The following TGS1 variants were observed in gnomAD, a reference collection of about 807,000 sequenced individuals.
TGS1 encodes the protein trimethylguanosine synthase.
Under a neutral mutation model 92.2 loss-of-function variants are expected in TGS1, and 69 were observed. That is an observed-to-expected ratio of 0.75 (90% confidence interval 0.62 to 0.91). The LOEUF is 0.91. TGS1 is among the 40% of genes least tolerant of loss of function. The pLI, the probability that TGS1 is intolerant of heterozygous loss-of-function variation, is 0.00. For missense variants in TGS1, 1,062 were observed against 1,001.2 expected, an observed-to-expected ratio of 1.06 and a Z score of -0.82; for synonymous variants, 345 against 338.1, an observed-to-expected ratio of 1.02 and a Z score of -0.22.
At chr8:55,798,305 A>G (rs759551537) in intron 7 of TGS1, among the ~76,000 whole-genome samples, 2 of 152,256 alleles carry the variant, frequency 1.3e-5, no homozygotes, top group Non-Finnish European at 2.9e-5. Flanking sequence ...GCAAAGAAGT[A>G]TATGATCTGA....
chr8:55,800,181 G>A (rs752531633), intron 8 of TGS1, among the ~76,000 whole-genome samples: 1 of 151,900 alleles, frequency 6.6e-6, no homozygotes, highest in African/African-American at 2.4e-5. Flanking sequence ...GGGTGTATGT[G>A]TATGTGTGAT....
intron 7 of TGS1, among the ~76,000 whole-genome samples, chr8:55,797,913 C>G (rs1317154450): frequency 6.6e-6 from 1 of 152,118 alleles, no homozygotes; most frequent in Non-Finnish European, 1.5e-5. Flanking sequence ...ATATATATAG[C>G]TGGTTTTATT....
chr8:55,791,935 T>G (rs1811895900), intron 5 of TGS1, among the ~76,000 whole-genome samples: 1 of 152,182 alleles, frequency 6.6e-6, no homozygotes, highest in African/African-American at 2.4e-5. Flanking sequence ...GCTGGACACT[T>G]CATTTCTTTG....
intron 12 of TGS1, among the ~76,000 whole-genome samples, chr8:55,814,314 G>T (rs1420866013): frequency 1.3e-5 from 2 of 152,056 alleles, no homozygotes; most frequent in African/African-American, 4.8e-5. Context: ...TTTCTAGGAT[G>T]AGGCCCGAAA....
At chr8:55,797,380 G>C (rs1220372429) in intron 7 of TGS1, among the ~76,000 whole-genome samples, 1 of 152,152 alleles carries the variant, frequency 6.6e-6, no homozygotes, top group African/African-American at 2.4e-5. Context: ...CCCACAACAC[G>C]TGGGGATTAT....
intron 2 of TGS1, 134 bp from the exon 3 acceptor site, chr8:55,785,585 A>T: frequency 1.6e-6 from 1 of 613,152 alleles, no homozygotes; most frequent in Non-Finnish European, 2.7e-6. Flanking sequence ...TCTCTAAAAA[A>T]TAAAAAAAAT....
rs190880615 is a variant in TGS1 at position 55,819,526 on chromosome 8, G to A, written c.2440-5055G>A. ...TTGGTCAGGCTGGTCTCGAACTCCCGACCTCAGGTGATCTGCCTGCCTCAG... is the reference window on the plus strand; with the variant it reads ...TTGGTCAGGCTGGTCTCGAACTCCCAACCTCAGGTGATCTGCCTGCCTCAG... On this transcript the variant is annotated intron_variant, in intron 12 of 12. Transcript: ENST00000260129. Among the ~76,000 whole-genome samples the A allele has an allele frequency of 4.8e-4, 71 of 149,254 alleles. No homozygotes were observed. The East Asian group carries it at 0.013, about 26-fold the overall frequency.
At chr8:55,781,409 A>T (rs1811558861) in intron 1 of TGS1, among the ~76,000 whole-genome samples, 1 of 152,172 alleles carries the variant, frequency 6.6e-6, no homozygotes. Context: ...ATAAATTTTA[A>T]AATAATAAAG....
chr8:55,782,189 T>G (rs1811585823), intron 1 of TGS1, among the ~76,000 whole-genome samples: 1 of 136,374 alleles, frequency 7.3e-6, no homozygotes, highest in East Asian at 1.9e-4. Context: ...TTTATTTATT[T>G]ATTTATTTTG....
chr8:55,824,749 T>C lies in TGS1; in HGVS notation c.*46T>C, dbSNP rs1352156752. On this transcript the variant is annotated 3_prime_UTR_variant, in exon 13 of 13. Coordinates refer to ENST00000260129, the MANE Select transcript of TGS1 (RefSeq NM_024831.8). The stretch of plus-strand genomic sequence containing the variant: ...AAAAGATCATGGAGTGGTCAAAATA[T>C]TCAGATGAGACATTTGGCATGTCTT... 1.9e-6 allele frequency: 3 copies of C among 1,605,492 alleles called. No homozygotes were observed. Among genetic ancestry groups the C allele is most frequent in the Non-Finnish European group, 8.5e-7 (1 of 1,174,688 alleles).
intron 12 of TGS1, among the ~76,000 whole-genome samples, chr8:55,819,549 C>T (rs1293215803): frequency 6.6e-6 from 1 of 151,704 alleles, no homozygotes; most frequent in African/African-American, 2.4e-5. Flanking sequence ...CTGCCTGCCT[C>T]AGCCTCCCAA....
intron 4 of TGS1, among the ~76,000 whole-genome samples, chr8:55,787,585 G>A (rs1463686720): frequency 6.6e-6 from 1 of 152,170 alleles, no homozygotes; most frequent in Non-Finnish European, 1.5e-5. Context: ...ATTGATTCCT[G>A]AATAACTGAT....
At chr8:55,795,176 AT>A (rs1812003397) in intron 6 of TGS1, among the ~76,000 whole-genome samples, 1 of 152,324 alleles carries the variant, frequency 6.6e-6, no homozygotes, top group East Asian at 1.9e-4. Flanking sequence ...CCTTGGGTAG[AT>A]TTTGATAGTA....
chr8:55,800,785 T>G (rs529919235), intron 8 of TGS1, among the ~76,000 whole-genome samples: 1 of 152,320 alleles, frequency 6.6e-6, no homozygotes, highest in African/African-American at 2.4e-5. Flanking sequence ...ATGACACTTT[T>G]TACTATTTAC....
At chr8:55,813,239 A>G in intron 12 of TGS1, 121 bp downstream of exon 12, 3 of 670,182 alleles carry the variant, frequency 4.5e-6, no homozygotes, top group Admixed American at 3.0e-5. Context: ...CTCACTGACT[A>G]TTCTTAGAAA....
rs184270157 is a variant in TGS1, at chr8:55,773,965, C to T, written c.101+246C>T. Among the ~76,000 whole-genome samples the T allele has an allele frequency of 1.6e-3, 238 of 152,258 alleles. 1 individual carries two copies. Among genetic ancestry groups the T allele is most frequent in the African/African-American group, 5.3e-3 (219 of 41,540 alleles). On this transcript the variant is annotated intron_variant, in intron 1 of 12. Transcript: ENST00000260129. ...AAAAAATGTCGTAGGTGCTATATGT[C>T]ATCTCATATTTGTAAATCGAGGGGA... is the stretch of plus-strand genomic sequence containing the variant.
At chr8:55,776,097 C>G (rs1811388428) in intron 1 of TGS1, among the ~76,000 whole-genome samples, 1 of 152,080 alleles carries the variant, frequency 6.6e-6, no homozygotes, top group South Asian at 2.1e-4. Flanking sequence ...CGGCAAGACT[C>G]CTGTCTCAAG....
chr8:55,812,165 A>T (rs932268486), intron 11 of TGS1, among the ~76,000 whole-genome samples: 1 of 152,012 alleles, frequency 6.6e-6, no homozygotes, highest in Non-Finnish European at 1.5e-5. Flanking sequence ...CACTTTCGCC[A>T]CCTGCCTCTC....
chr8:55,790,071 T>C, intron 4 of TGS1, 111 bp from the exon 5 acceptor site: 1 of 742,726 alleles, frequency 1.3e-6, no homozygotes, highest in East Asian at 2.5e-5. Flanking sequence ...TTGATGCACA[T>C]GTACAGTTCA....
Sources: gnomAD v4.1 joint callset for allele counts (sites outside exome capture counted in the v4.1 genomes callset) on GRCh38, gnomAD v4.1.1 for gene constraint, MANE v1.5 for transcripts, NCBI Gene and HGNC (gene_info 2026-07-23, HGNC 2026-07-21) for gene names.